The following AKAP6 variants were observed in gnomAD, a reference collection of about 807,000 sequenced individuals.
The protein encoded by AKAP6 is A-kinase anchor protein 6.
Under a neutral mutation model 188.5 loss-of-function variants are expected in AKAP6, and 58 were observed. The observed-to-expected ratio is 0.31, with a 90% CI of 0.25 to 0.38. AKAP6 has a LOEUF of 0.38. AKAP6 is among the 10% of genes least tolerant of loss of function. The probability of loss-of-function intolerance (pLI) is 1.00; values close to 1 mark genes in which losing one functional copy is unlikely to be tolerated. For synonymous variants in AKAP6, 989 were observed against 998.6 expected, an observed-to-expected ratio of 0.99 and a Z score of 0.18; for missense variants, 2,710 against 2,740.0, an observed-to-expected ratio of 0.99 and a Z score of 0.24.
intron 11 of AKAP6, among the ~76,000 whole-genome samples, chr14:32,750,432 G>A (rs1594908683): frequency 1.3e-5 from 2 of 152,116 alleles, no homozygotes; most frequent in African/African-American, 4.8e-5. Flanking sequence ...TATATTGAAA[G>A]TAATTCAGGT....
At chr14:32,334,010 C>T (rs1047074298) in intron 1 of AKAP6, among the ~76,000 whole-genome samples, 11 of 152,132 alleles carry the variant, frequency 7.2e-5, no homozygotes, top group South Asian at 2.1e-4. Flanking sequence ...CTCATCTAAT[C>T]GCCCTAGTGT....
At chr14:32,543,275 A>G (rs1029412269) in intron 3 of AKAP6, among the ~76,000 whole-genome samples, 4 of 152,180 alleles carry the variant, frequency 2.6e-5, no homozygotes, top group Non-Finnish European at 5.9e-5. Context: ...TAGCTTCCAC[A>G]TATGAGTGAG....
chr14:32,640,215 A>C (rs761174073), intron 7 of AKAP6, among the ~76,000 whole-genome samples: 3 of 152,160 alleles, frequency 2.0e-5, no homozygotes, highest in Non-Finnish European at 4.4e-5. Flanking sequence ...TATCCTAATC[A>C]GGATTAGCTT....
intron 1 of AKAP6, among the ~76,000 whole-genome samples, chr14:32,361,962 T>A (rs1383015208): frequency 6.6e-6 from 1 of 151,962 alleles, no homozygotes; most frequent in Non-Finnish European, 1.5e-5. Context: ...TTTTTCAGCA[T>A]TGAAATGGAA....
chr14:32,409,452 A>G (rs1889408567), intron 1 of AKAP6, among the ~76,000 whole-genome samples: 1 of 152,112 alleles, frequency 6.6e-6, no homozygotes, highest in South Asian at 2.1e-4. Flanking sequence ...TAAAAGTTAT[A>G]AAAGCAGACT....
chr14:32,611,206 T>C (rs2139384165), intron 7 of AKAP6, among the ~76,000 whole-genome samples: 1 of 152,266 alleles, frequency 6.6e-6, no homozygotes, highest in South Asian at 2.1e-4. Flanking sequence ...GTTAGGAGAA[T>C]GGTATTACCA....
intron 11 of AKAP6, among the ~76,000 whole-genome samples, chr14:32,745,604 G>A (rs2031874143): frequency 6.6e-6 from 1 of 151,846 alleles, no homozygotes; most frequent in Non-Finnish European, 1.5e-5. Flanking sequence ...CTATGACTGT[G>A]CTGGTTCAGA....
intron 2 of AKAP6, among the ~76,000 whole-genome samples, chr14:32,441,100 T>C (rs1890561521): frequency 1.3e-5 from 2 of 152,174 alleles, no homozygotes; most frequent in Non-Finnish European, 2.9e-5. Context: ...TCCTAGACTT[T>C]CCAGCCTCCA....
intron 1 of AKAP6, chr14:32,384,956 G>A (rs1377617907): frequency 6.6e-6 from 1 of 152,062 alleles, no homozygotes; most frequent in Non-Finnish European, 1.5e-5. Flanking sequence ...GGGTGCTGAT[G>A]GAATTAATGG....
chr14:32,474,777 T>C (rs1594652966), intron 2 of AKAP6, among the ~76,000 whole-genome samples: 1 of 152,360 alleles, frequency 6.6e-6, no homozygotes, highest in East Asian at 1.9e-4. Context: ...CTTCACTCAT[T>C]TTCCAAAATT....
At chr14:32,578,782 T>G (rs576795994) in intron 5 of AKAP6, among the ~76,000 whole-genome samples, 2 of 152,298 alleles carry the variant, frequency 1.3e-5, no homozygotes, top group South Asian at 2.1e-4. Flanking sequence ...CTGGACTATT[T>G]ATTGAAAGCC....
chr14:32,548,164 C>A (rs1246255395), intron 4 of AKAP6, among the ~76,000 whole-genome samples: 1 of 150,058 alleles, frequency 6.7e-6, no homozygotes, highest in Non-Finnish European at 1.5e-5. Flanking sequence ...TGGAATGGCA[C>A]CATCTCAGCT....
At chr14:32,805,150 A>T (rs1251088966) in intron 12 of AKAP6, among the ~76,000 whole-genome samples, 5 of 152,208 alleles carry the variant, frequency 3.3e-5, no homozygotes, top group Admixed American at 2.0e-4. Context: ...GTAAGAAGTT[A>T]TAAGAGTATT....
intron 9 of AKAP6, among the ~76,000 whole-genome samples, chr14:32,697,299 G>GGA (rs1312671220): frequency 6.6e-6 from 1 of 152,080 alleles, no homozygotes; most frequent in Admixed American, 6.6e-5. Context: ...CAGCAAATGG[G>GGA]GACATTTTAT....
At chr14:32,519,429 T>A (rs1881700244) in intron 2 of AKAP6, among the ~76,000 whole-genome samples, 1 of 152,086 alleles carries the variant, frequency 6.6e-6, no homozygotes, top group African/African-American at 2.4e-5. Context: ...GACCCATCAG[T>A]GTGCTGTATT....
chr14:32,758,161 A>T (rs544009030), intron 11 of AKAP6, among the ~76,000 whole-genome samples: 1 of 152,300 alleles, frequency 6.6e-6, no homozygotes, highest in African/African-American at 2.4e-5. Flanking sequence ...AGATGGTAGA[A>T]TATCCTCACC....
At chr14:32,515,837 G>A (rs1881494333) in intron 2 of AKAP6, among the ~76,000 whole-genome samples, 1 of 152,122 alleles carries the variant, frequency 6.6e-6, no homozygotes, top group Admixed American at 6.6e-5. Context: ...TTTACATGTG[G>A]TACTAAACTC....
intron 11 of AKAP6, among the ~76,000 whole-genome samples, chr14:32,754,442 T>C (rs190552356): frequency 6.6e-6 from 1 of 152,176 alleles, no homozygotes; most frequent in Non-Finnish European, 1.5e-5. Context: ...ATCTTACATA[T>C]GTAATGTAAA....
rs974413536 is a variant in AKAP6 at position 32,835,115 on chromosome 14, T to C, written c.*5310T>C. ...TTACGTACTTGCAACAAAAGCCATA[T>C]GGCCTGCAAAACCTAAAACATTTAC... On this transcript the variant is annotated 3_prime_UTR_variant, in exon 14 of 14. Coordinates refer to ENST00000280979, the MANE Select transcript of AKAP6 (RefSeq NM_004274.5). 1.3e-5 allele frequency: 2 copies of C among 152,218 alleles called. No homozygotes were observed. Among genetic ancestry groups the C allele is most frequent in the African/African-American group, 4.8e-5 (2 of 41,468 alleles). The allele number at this position is 152,218 out of a possible 1,614,324, so 9.4% of individuals were successfully genotyped here.
Sources: gnomAD v4.1 joint callset for allele counts (sites outside exome capture counted in the v4.1 genomes callset) on GRCh38, gnomAD v4.1.1 for gene constraint, MANE v1.5 for transcripts, NCBI Gene and HGNC (gene_info 2026-07-23, HGNC 2026-07-21) for gene names.